AGMO: variants seen among roughly 807,000 people sequenced by gnomAD.
AGMO encodes the protein glyceryl-ether monooxygenase.
AGMO carries 75 observed loss-of-function variants against 60.2 expected under a neutral mutation model. That is an observed-to-expected ratio of 1.25 (90% CI 1.03 to 1.51). The LOEUF is 1.51. Ranked by LOEUF, AGMO falls within the 40% of genes most tolerant of loss-of-function variation. AGMO has a pLI of 0.00. For missense variants in AGMO, 763 were observed against 525.5 expected (o/e 1.45, Z -4.42); for synonymous variants, 261 against 177.1 (o/e 1.47, Z -3.76).
chr7:15,522,203 C>T (rs1035250601), intron 3 of AGMO, among the ~76,000 whole-genome samples: 9 of 152,032 alleles, frequency 5.9e-5, no homozygotes, highest in Admixed American at 5.9e-4. Context: ...TGAGAGAGGA[C>T]ACAAACAAAT....
intron 3 of AGMO, among the ~76,000 whole-genome samples, chr7:15,434,822 A>G (rs1781353766): frequency 6.6e-6 from 1 of 152,154 alleles, no homozygotes; most frequent in Non-Finnish European, 1.5e-5. Context: ...TGTTACAAGC[A>G]ATAGATAATT....
intron 3 of AGMO, among the ~76,000 whole-genome samples, chr7:15,512,139 AAC>A (rs1424435011): frequency 6.6e-6 from 1 of 152,244 alleles, no homozygotes; most frequent in African/African-American, 2.4e-5. Flanking sequence ...AGACTGATAC[AAC>A]AGTTACAACT....
At chr7:15,381,232 G>A (rs1783670924) in intron 10 of AGMO, among the ~76,000 whole-genome samples, 1 of 152,120 alleles carries the variant, frequency 6.6e-6, no homozygotes, top group Non-Finnish European at 1.5e-5. Context: ...TATCAACAGA[G>A]TGAACAGACA....
chr7:15,208,333 A>C (rs891335121), intron 12 of AGMO, among the ~76,000 whole-genome samples: 2 of 152,242 alleles, frequency 1.3e-5, no homozygotes, highest in African/African-American at 4.8e-5. Flanking sequence ...TCATGTTGGC[A>C]TAAGTATCTT....
At chr7:15,543,967 G>C (rs889236882) in intron 3 of AGMO, among the ~76,000 whole-genome samples, 3 of 151,716 alleles carry the variant, frequency 2.0e-5, no homozygotes, top group Non-Finnish European at 4.4e-5. Flanking sequence ...TATGGAACCA[G>C]CCCAAATGCC....
chr7:15,363,905 T>C (rs1782860750), intron 12 of AGMO, among the ~76,000 whole-genome samples: 1 of 152,104 alleles, frequency 6.6e-6, no homozygotes, highest in Non-Finnish European at 1.5e-5. Context: ...TCTAAGGTGT[T>C]AAAGTGCCAT....
intron 2 of AGMO, 110 bp from the exon 3 acceptor site, chr7:15,545,033 A>T: frequency 2.6e-6 from 2 of 769,654 alleles, no homozygotes; most frequent in Non-Finnish European, 3.7e-6. Flanking sequence ...AAAAAATGAA[A>T]CTCTTTCTTC....
At chr7:15,201,426 TA>T in intron 12 of AGMO, 67 bp from the exon 13 acceptor site, 1 of 1,132,168 alleles carries the variant, frequency 8.8e-7, no homozygotes, top group Non-Finnish European at 1.3e-6. Context: ...TCAACTGAAT[TA>T]AAAATATTTC....
intron 3 of AGMO, among the ~76,000 whole-genome samples, chr7:15,496,131 C>T (rs1783226898): frequency 6.6e-6 from 1 of 152,114 alleles, no homozygotes; most frequent in Non-Finnish European, 1.5e-5. Flanking sequence ...GAACTGCAAA[C>T]AGCATCACCC....
At chr7:15,311,085 GA>G (rs1368389678) in intron 12 of AGMO, among the ~76,000 whole-genome samples, 1 of 151,954 alleles carries the variant, frequency 6.6e-6, no homozygotes, top group African/African-American at 2.4e-5. Context: ...ACAGGTCTGG[GA>G]ATTAAAACAT....
chr7:15,231,410 C>T (rs1489500568), intron 12 of AGMO, among the ~76,000 whole-genome samples: 1 of 152,186 alleles, frequency 6.6e-6, no homozygotes, highest in Non-Finnish European at 1.5e-5. Context: ...CATTCTCTCC[C>T]TATCTCAAAG....
At chr7:15,354,623 T>C (rs547817695) in intron 12 of AGMO, among the ~76,000 whole-genome samples, 7 of 144,828 alleles carry the variant, frequency 4.8e-5, no homozygotes, top group Non-Finnish European at 9.1e-5. Context: ...ACTATACCCT[T>C]ATATTCTAAA....
intron 5 of AGMO, among the ~76,000 whole-genome samples, chr7:15,398,928 ATTGTTT>A (rs761527059): frequency 2.0e-5 from 3 of 152,162 alleles, no homozygotes; most frequent in Non-Finnish European, 4.4e-5. Context: ...TATCCATCAT[ATTGTTT>A]TTAAGACATA....
chr7:15,190,462 A>C, the AGMO span, among the ~76,000 whole-genome samples: 1 of 152,194 alleles, frequency 6.6e-6, no homozygotes, highest in Non-Finnish European at 1.5e-5. Context: ...GGAAAGAATA[A>C]GGGAGGTAGA....
rs79530113 is a variant in AGMO, at chr7:15,373,151, G to A, written c.1075-6929C>T. Among the ~76,000 whole-genome samples, 314 of 152,036 alleles carry A rather than the reference G, an allele frequency of 2.1e-3. 1 individual carries two copies. Among genetic ancestry groups the A allele is most frequent in the African/African-American group, 6.8e-3 (280 of 41,478 alleles). On this transcript the variant is annotated intron_variant, in intron 10 of 12. Transcript: ENST00000342526. ...TTATCTGGGCATGGTGGCGGTACTT[G>A]CCTTTAATTCCAGCTACTTGGGAGG...
At chr7:15,224,020 T>A (rs974903273) in intron 12 of AGMO, among the ~76,000 whole-genome samples, 1 of 152,004 alleles carries the variant, frequency 6.6e-6, no homozygotes, top group Admixed American at 6.6e-5. Flanking sequence ...CATGTAACAT[T>A]TATTTATGCT....
chr7:15,280,916 C>T lies in AGMO; in HGVS notation c.1264-79557G>A, dbSNP rs535353158. ...ATAGAGTCTACATCACTCTCCTGCC[C>T]GTTGTTGGGATACGTGAGGATAGGT... On this transcript the variant is annotated intron_variant, in intron 12 of 12. Transcript: ENST00000342526. 1.2e-4 allele frequency among the ~76,000 whole-genome samples: 19 copies of T among 152,250 alleles called. No homozygotes were observed. The South Asian group carries it at 3.5e-3, about 28-fold the overall frequency.
At chr7:15,185,335 T>C in the AGMO span, among the ~76,000 whole-genome samples, 9 of 152,182 alleles carry the variant, frequency 5.9e-5, no homozygotes, top group Admixed American at 5.2e-4. Flanking sequence ...GCCTTTCCAC[T>C]TGCCTGCCTG....
intron 12 of AGMO, among the ~76,000 whole-genome samples, chr7:15,350,074 CTG>C (rs1045974841): frequency 1.3e-5 from 2 of 152,104 alleles, no homozygotes; most frequent in African/African-American, 2.4e-5. Flanking sequence ...AATCATGAAA[CTG>C]AGAATTAAGT....
Sources: allele counts gnomAD v4.1 joint callset (sites outside exome capture counted in the v4.1 genomes callset), GRCh38; gene constraint gnomAD v4.1.1; transcripts MANE v1.5; gene names NCBI Gene and HGNC (gene_info 2026-07-23, HGNC 2026-07-21).